Variants in IMMP2L observed in about 807,000 individuals in gnomAD.
IMMP2L encodes mitochondrial inner membrane protease subunit 2.
A neutral mutation model predicts 19.3 loss-of-function variants in IMMP2L; 18 were observed. That is an observed-to-expected ratio of 0.93 (90% CI 0.64 to 1.38). IMMP2L has a LOEUF of 1.38. Among genes scored for constraint, IMMP2L ranks in the 40% most tolerant of loss-of-function variants. IMMP2L has a pLI of 0.00. For synonymous variants in IMMP2L, 76 were observed against 73.0 expected (o/e 1.04, Z -0.21); for missense variants, 233 against 218.2 (o/e 1.07, Z -0.43).
intron 2 of IMMP2L, among the ~76,000 whole-genome samples, chr7:111,512,118 T>A (rs1845504977): frequency 6.6e-6 from 1 of 152,108 alleles, no homozygotes; most frequent in East Asian, 1.9e-4. Flanking sequence ...AATGAAAACA[T>A]CAAAACCCAA....
intron 3 of IMMP2L, among the ~76,000 whole-genome samples, chr7:111,192,659 A>C (rs1172095251): frequency 6.6e-6 from 1 of 152,252 alleles, no homozygotes; most frequent in East Asian, 1.9e-4. Context: ...GAGCCAAGAG[A>C]ACAGAGCTCA....
At chr7:110,860,733 A>G (rs1258413414) in intron 5 of IMMP2L, among the ~76,000 whole-genome samples, 1 of 152,146 alleles carries the variant, frequency 6.6e-6, no homozygotes, top group East Asian at 1.9e-4. Context: ...TCTGTCATCA[A>G]CAGCTCCCAA....
intron 3 of IMMP2L, among the ~76,000 whole-genome samples, chr7:111,186,910 T>C (rs1808329376): frequency 6.6e-6 from 1 of 152,026 alleles, no homozygotes; most frequent in Non-Finnish European, 1.5e-5. Context: ...CCCTACAATT[T>C]TCTGTAACTT....
intron 5 of IMMP2L, among the ~76,000 whole-genome samples, chr7:110,783,300 A>G (rs1287665659): frequency 6.6e-6 from 1 of 151,882 alleles, no homozygotes; most frequent in African/African-American, 2.4e-5. Flanking sequence ...AGCTTTATCA[A>G]GTAGGTACCA....
chr7:111,154,334 G>C (rs895671508), intron 3 of IMMP2L, among the ~76,000 whole-genome samples: 3 of 152,048 alleles, frequency 2.0e-5, no homozygotes, highest in African/African-American at 7.2e-5. Flanking sequence ...AATAAGGGTA[G>C]ATAGGCATTA....
At chr7:111,538,502 CAGAA>C (rs1202093080) in intron 1 of IMMP2L, among the ~76,000 whole-genome samples, 3 of 151,652 alleles carry the variant, frequency 2.0e-5, no homozygotes, top group Non-Finnish European at 4.4e-5. Context: ...TAAATATACA[CAGAA>C]AGAAATATGT....
chr7:111,117,776 T>G (rs964740670), intron 3 of IMMP2L, among the ~76,000 whole-genome samples: 1 of 152,106 alleles, frequency 6.6e-6, no homozygotes, highest in Admixed American at 6.5e-5. Flanking sequence ...CAATTTGCTA[T>G]AGAAGAAAAG....
At chr7:110,993,656 C>A (rs1418025170) in intron 3 of IMMP2L, among the ~76,000 whole-genome samples, 1 of 151,838 alleles carries the variant, frequency 6.6e-6, no homozygotes, top group Non-Finnish European at 1.5e-5. Flanking sequence ...CCTTATGTGC[C>A]CTCCGACAGT....
At chr7:111,509,895 AAAG>A (rs1474439554) in intron 2 of IMMP2L, among the ~76,000 whole-genome samples, 1 of 152,166 alleles carries the variant, frequency 6.6e-6, no homozygotes, top group African/African-American at 2.4e-5. Context: ...TCAATGCTTC[AAAG>A]AAGAAATTTC....
intron 3 of IMMP2L, among the ~76,000 whole-genome samples, chr7:110,980,724 T>C (rs1433829085): frequency 6.6e-6 from 1 of 152,154 alleles, no homozygotes; most frequent in Non-Finnish European, 1.5e-5. Context: ...TTCCCTAAAT[T>C]TGACAAAGTT....
intron 3 of IMMP2L, among the ~76,000 whole-genome samples, chr7:111,161,299 T>C (rs957132505): frequency 6.6e-5 from 10 of 151,892 alleles, no homozygotes; most frequent in Non-Finnish European, 1.2e-4. Flanking sequence ...AAAAATAATA[T>C]GCCCTCTTAC....
At chr7:111,116,539 A>G (rs1360476283) in intron 3 of IMMP2L, among the ~76,000 whole-genome samples, 7 of 152,188 alleles carry the variant, frequency 4.6e-5, no homozygotes, top group Admixed American at 3.9e-4. Context: ...TTTCTTTATA[A>G]TGGCAATCCC....
intron 3 of IMMP2L, among the ~76,000 whole-genome samples, chr7:111,261,812 AAGTG>A (rs1192282132): frequency 6.6e-6 from 1 of 152,154 alleles, no homozygotes; most frequent in Non-Finnish European, 1.5e-5. Context: ...AAATATGTAT[AAGTG>A]AGAAAGGGAC....
chr7:111,158,365 A>T (rs1266515617), intron 3 of IMMP2L, among the ~76,000 whole-genome samples: 1 of 152,146 alleles, frequency 6.6e-6, no homozygotes, highest in Non-Finnish European at 1.5e-5. Flanking sequence ...CAGTAAAAAC[A>T]TAATTCATAA....
intron 5 of IMMP2L, among the ~76,000 whole-genome samples, chr7:110,862,670 T>A (rs1807568750): frequency 6.6e-6 from 1 of 151,896 alleles, no homozygotes; most frequent in African/African-American, 2.4e-5. Context: ...AAAAAATAAA[T>A]TTACTTTTGC....
chr7:111,118,898 G>C (rs1800234759), intron 3 of IMMP2L, among the ~76,000 whole-genome samples: 1 of 152,068 alleles, frequency 6.6e-6, no homozygotes, highest in African/African-American at 2.4e-5. Context: ...AAAGCTTTCA[G>C]AAGAAATCTA....
At chr7:110,948,457 A>C (rs144434460) in intron 4 of IMMP2L, among the ~76,000 whole-genome samples, 9 of 152,352 alleles carry the variant, frequency 5.9e-5, no homozygotes, top group African/African-American at 2.2e-4. Context: ...CAGCACAGTC[A>C]GAGCAAGCTA....
intron 3 of IMMP2L, among the ~76,000 whole-genome samples, chr7:111,147,806 A>G (rs1448976989): frequency 6.6e-6 from 1 of 152,178 alleles, no homozygotes; most frequent in East Asian, 1.9e-4. Context: ...AATTGTCAAA[A>G]TAAACTTTTT....
intron 5 of IMMP2L, among the ~76,000 whole-genome samples, chr7:110,886,033 T>A (rs1042142437): frequency 4.6e-5 from 7 of 152,094 alleles, no homozygotes; most frequent in African/African-American, 1.7e-4. Flanking sequence ...CATTTCTTTA[T>A]GAGGGCTCCT....
Sources: allele counts gnomAD v4.1 joint callset (sites outside exome capture counted in the v4.1 genomes callset), GRCh38; gene constraint gnomAD v4.1.1; transcripts MANE v1.5; gene names NCBI Gene and HGNC (gene_info 2026-07-23, HGNC 2026-07-21).